Variants in LYST observed in about 807,000 individuals in gnomAD.
The protein encoded by LYST is lysosomal-trafficking regulator.
In LYST, 192 loss-of-function variants were observed where a neutral mutation model predicts 413.6. That is an observed-to-expected ratio of 0.46 (90% confidence interval 0.41 to 0.52). The LOEUF is 0.52. Among genes scored for constraint, LYST ranks in the 20% least tolerant of loss-of-function variants. The pLI is 0.00. For synonymous variants in LYST, 1,525 were observed against 1,567.3 expected, an observed-to-expected ratio of 0.97 and a Z score of 0.64; for missense variants, 3,815 against 4,499.9, an observed-to-expected ratio of 0.85 and a Z score of 4.35.
intron 26 of LYST, 33 bp from the exon 27 acceptor site, chr1:235,752,204 AT>A: frequency 6.7e-7 from 1 of 1,495,896 alleles, no homozygotes; most frequent in Non-Finnish European, 9.3e-7. Flanking sequence ...AAAACAGAAC[AT>A]TTATAAGAAA....
intron 44 of LYST, among the ~76,000 whole-genome samples, chr1:235,708,602 C>T (rs1191000778): frequency 6.6e-6 from 1 of 152,168 alleles, no homozygotes; most frequent in South Asian, 2.1e-4. Flanking sequence ...GCAGAGGGTG[C>T]CTACGTTGCC....
intron 3 of LYST, chr1:235,828,188 A>G (rs1338488343): frequency 1.1e-6 from 1 of 950,942 alleles, no homozygotes; most frequent in African/African-American, 1.8e-5. Flanking sequence ...TAATACATTA[A>G]AAGACATTTC....
intron 46 of LYST, 53 bp from the exon 47 acceptor site, chr1:235,693,539 A>C (rs1287066242): frequency 1.2e-6 from 2 of 1,609,884 alleles, no homozygotes; most frequent in East Asian, 4.5e-5. Context: ...CGACTGTTAC[A>C]TGACAGCCCA....
At chr1:235,814,381 T>C (rs1673809018) in intron 3 of LYST, among the ~76,000 whole-genome samples, 1 of 152,182 alleles carries the variant, frequency 6.6e-6, no homozygotes, top group South Asian at 2.1e-4. Flanking sequence ...ATGTGAATTT[T>C]CCCAGGGTGA....
chr1:235,724,595 G>A (rs1663684205), intron 38 of LYST, among the ~76,000 whole-genome samples: 2 of 151,978 alleles, frequency 1.3e-5, no homozygotes, highest in African/African-American at 4.8e-5. Context: ...TACATTCCAT[G>A]GGTTTTGACA....
chr1:235,778,040 A>G (rs911251232), intron 16 of LYST, among the ~76,000 whole-genome samples: 6 of 148,534 alleles, frequency 4.0e-5, no homozygotes, highest in Non-Finnish European at 5.9e-5. Context: ...CTCCCACCTC[A>G]GCCTCCCAAG....
intron 1 of LYST, among the ~76,000 whole-genome samples, chr1:235,855,796 C>T (rs566043461): frequency 4.6e-5 from 7 of 152,124 alleles, no homozygotes; most frequent in African/African-American, 1.2e-4. Flanking sequence ...ACACCTTGCA[C>T]GTATAGATAG....
intron 45 of LYST, among the ~76,000 whole-genome samples, chr1:235,700,682 A>C (rs891815426): frequency 6.6e-6 from 1 of 152,220 alleles, no homozygotes; most frequent in Non-Finnish European, 1.5e-5. Context: ...GGTTCAAATA[A>C]AGAAAAGCAG....
chr1:235,761,461 G>A (rs1052968032), intron 22 of LYST, among the ~76,000 whole-genome samples: 2 of 152,148 alleles, frequency 1.3e-5, no homozygotes, highest in African/African-American at 4.8e-5. Flanking sequence ...GAGTCAATTA[G>A]GAAGATAGAA....
At chr1:235,817,066 G>A (rs552631533) in intron 3 of LYST, among the ~76,000 whole-genome samples, 12 of 152,110 alleles carry the variant, frequency 7.9e-5, no homozygotes, top group African/African-American at 2.2e-4. Context: ...CAAAGGACAC[G>A]AACAGACACT....
intron 31 of LYST, among the ~76,000 whole-genome samples, chr1:235,739,827 A>C (rs1665183487): frequency 6.6e-6 from 1 of 152,168 alleles, no homozygotes; most frequent in Non-Finnish European, 1.5e-5. Context: ...TTCGTGGGTG[A>C]ATAAACAACT....
At chr1:235,761,962 A>G (rs10754736) in intron 22 of LYST, among the ~76,000 whole-genome samples, 64,821 of 122,156 alleles carry the variant, frequency 0.53, 19,000 homozygotes, top group African/African-American at 0.83. Flanking sequence ...ATCACACACC[A>G]GGGCCTGTTG....
In LYST at chr1:235,854,351, A is replaced by G. The variant is rs908718606; in HGVS notation, c.-98+12492T>C. 6.6e-6 allele frequency among the ~76,000 whole-genome samples: 1 copy of G among 152,210 alleles called. No homozygotes were observed. Among genetic ancestry groups the G allele is most frequent in the African/African-American group, 2.4e-5 (1 of 41,456 alleles). ...CAGGGCCAGGATTCAGACTCATGCA[A>G]TCCCTTTGTATTCTATATACAAATT... On this transcript the variant is annotated intron_variant, in intron 1 of 52. Coordinates refer to ENST00000389793, the MANE Select transcript of LYST (RefSeq NM_000081.4). This position sits in a 1 kb window ranked among gnomAD's most constrained non-coding sequence, Gnocchi z 4.1.
chr1:235,738,079 G>A, intron 31 of LYST: 2 of 1,602,656 alleles, frequency 1.2e-6, no homozygotes, highest in Non-Finnish European at 1.7e-6. Context: ...ACAGTTGTTG[G>A]GGTTGGTGCT....
upstream of LYST, among the ~76,000 whole-genome samples, chr1:235,867,208 C>T (rs893494244): frequency 6.6e-6 from 1 of 152,244 alleles, no homozygotes; most frequent in Admixed American, 6.5e-5. Flanking sequence ...GGGTCCGCAC[C>T]TCCTCCCAGG....
chr1:235,843,305 T>A (rs972639417), intron 1 of LYST, among the ~76,000 whole-genome samples: 2 of 152,188 alleles, frequency 1.3e-5, no homozygotes, highest in African/African-American at 2.4e-5. Flanking sequence ...GCTCATTCTA[T>A]TTTCACTATT....
rs1306014698 is a variant in LYST at position 235,733,603 on chromosome 1, C to T, written c.8701G>A (p.Glu2901Lys). 1 of 1,613,838 alleles carries T rather than the reference C, an allele frequency of 6.2e-7. No homozygotes were observed. Among genetic ancestry groups the T allele is most frequent in the Non-Finnish European group, 8.5e-7 (1 of 1,179,826 alleles). Residue 2901 changes from glutamate (E) to lysine (K), a missense_variant, in exon 34 of 53, where the codon GAG (glutamate) becomes AAG (lysine). Around this residue, in one of 4 missense-constraint regions of LYST, gnomAD observed 866 missense variants for 1,156.0 expected, o/e 0.75. Coordinates refer to ENST00000389793, the MANE Select transcript of LYST (RefSeq NM_000081.4). ...TQAVSLSQGN[E>K]RKKVIQHIRG... The stretch of plus-strand genomic sequence containing the variant: ...ATATGCTGGATCACCTTTTTTCTCT[C>T]ATTTCCTTGGGAGAGAGACACTGCC...
chr1:235,670,426 C>T (rs1658840653), intron 50 of LYST, among the ~76,000 whole-genome samples: 1 of 152,192 alleles, frequency 6.6e-6, no homozygotes, highest in South Asian at 2.1e-4. Flanking sequence ...CTTTGAGGCA[C>T]TGAGCACTTG....
At chr1:235,683,857 T>C (rs1321796399) in intron 48 of LYST, among the ~76,000 whole-genome samples, 1 of 152,198 alleles carries the variant, frequency 6.6e-6, no homozygotes, top group African/African-American at 2.4e-5. Flanking sequence ...GATGCCAGAA[T>C]AGCAACACGA....
Sources: gnomAD v4.1 joint callset for allele counts (sites outside exome capture counted in the v4.1 genomes callset) on GRCh38, gnomAD v4.1.1 for gene constraint, gnomAD v4.1.1 regional missense constraint, Gnocchi (gnomAD v3.1) non-coding constraint, MANE v1.5 for transcripts, NCBI Gene and HGNC (gene_info 2026-07-23, HGNC 2026-07-21) for gene names.